Variants in GLT1D1 observed in about 807,000 individuals in gnomAD.
GLT1D1 encodes glycosyltransferase 1 domain-containing protein 1.
GLT1D1 carries 21 observed loss-of-function variants against 28.7 expected under a neutral mutation model. That is an observed-to-expected ratio of 0.73 (90% CI 0.52 to 1.05). The LOEUF (loss-of-function observed/expected upper bound fraction) is 1.05, where lower values mean the gene tolerates loss of function less well. GLT1D1 is among the 50% of genes least tolerant of loss of function. GLT1D1 has a pLI of 0.00. For missense variants in GLT1D1, 343 were observed against 330.6 expected, an observed-to-expected ratio of 1.04 and a Z score of -0.29; for synonymous variants, 147 against 124.8, an observed-to-expected ratio of 1.18 and a Z score of -1.19.
chr12:128,893,456 AT>A (rs528309381), intron 3 of GLT1D1, among the ~76,000 whole-genome samples: 3 of 151,954 alleles, frequency 2.0e-5, no homozygotes, highest in South Asian at 4.2e-4. Flanking sequence ...AAGCCCAAAG[AT>A]TTTTTTTACA....
rs1191965531 is a variant in GLT1D1, at chr12:128,984,726, A to G, written c.*1636A>G. ...AATCTGGAGTAATTAATGCCACCCA[A>G]AGAAAAGGCCCTGCCAGGTCCAATG... On this transcript the variant is annotated 3_prime_UTR_variant, in exon 8 of 8. Transcript: ENST00000281703. 1 of 152,126 alleles carries G rather than the reference A, an allele frequency of 6.6e-6. No individual in the cohort carries two copies. 9.4% of individuals were successfully genotyped at this position (152,126 alleles called of 1,614,324 possible). A position where few individuals can be genotyped will look rare whatever the true frequency, so the allele number is the denominator to read the frequency against.
intron 4 of GLT1D1, among the ~76,000 whole-genome samples, chr12:128,927,796 G>A (rs112312780): frequency 0.27 from 39,950 of 150,652 alleles, 6,764 homozygotes; most frequent in Non-Finnish European, 0.36. Flanking sequence ...GGCAGGAGTC[G>A]GAGACCAGCC....
At chr12:128,949,413 G>T (rs977225640) in intron 6 of GLT1D1, among the ~76,000 whole-genome samples, 1 of 152,150 alleles carries the variant, frequency 6.6e-6, no homozygotes, top group African/African-American at 2.4e-5. Context: ...AGTGGTAAGG[G>T]TGCATTTCAT....
At chr12:128,929,064 T>C in intron 4 of GLT1D1, among the ~76,000 whole-genome samples, 1 of 152,180 alleles carries the variant, frequency 6.6e-6, no homozygotes, top group Non-Finnish European at 1.5e-5. Context: ...GAGGGCAGAT[T>C]TGTGCCCATT....
At chr12:128,902,230 TC>T (rs1249881108) in intron 4 of GLT1D1, among the ~76,000 whole-genome samples, 1 of 150,970 alleles carries the variant, frequency 6.6e-6, no homozygotes, top group Non-Finnish European at 1.5e-5. Context: ...ATGCCTGTAA[TC>T]CCAGCACTTT....
intron 4 of GLT1D1, chr12:128,906,867 A>G: frequency 1.4e-6 from 1 of 702,150 alleles, no homozygotes; most frequent in Non-Finnish European, 2.6e-6. Context: ...TACTTTGTGT[A>G]CATTTACTCA....
At chr12:128,938,987 A>G (rs1378085365) in intron 4 of GLT1D1, among the ~76,000 whole-genome samples, 3 of 152,160 alleles carry the variant, frequency 2.0e-5, no homozygotes, top group East Asian at 1.9e-4. Flanking sequence ...TGGGCTGGAA[A>G]AGGTGAAACA....
At chr12:128,894,110 C>A (rs982978249) in intron 3 of GLT1D1, among the ~76,000 whole-genome samples, 2 of 152,206 alleles carry the variant, frequency 1.3e-5, no homozygotes, top group Non-Finnish European at 2.9e-5. Context: ...GCCAGCAGAA[C>A]AACCCATGCT....
In GLT1D1 at chr12:128,983,537, A is replaced by G. The variant is rs1176483270; in HGVS notation, c.*447A>G. On this transcript the variant is annotated 3_prime_UTR_variant, in exon 8 of 8. Transcript: ENST00000281703. This position sits in a 1 kb window ranked among gnomAD's most constrained non-coding sequence, Gnocchi z 4.7. ...CAAAACAGACGTGTCAGCTGAGCCGAGTCCTCGCAGGATTTTTGTTGTGAT... is the reference window on the plus strand; with the variant it reads ...CAAAACAGACGTGTCAGCTGAGCCGGGTCCTCGCAGGATTTTTGTTGTGAT... 1 of 160,664 alleles carries G rather than the reference A, an allele frequency of 6.2e-6. No individual in the cohort carries two copies. Among genetic ancestry groups the G allele is most frequent in the African/African-American group, 2.4e-5 (1 of 41,742 alleles). 10.0% of individuals were successfully genotyped at this position (160,664 alleles called of 1,614,324 possible).
At chr12:128,883,318 G>T (rs955953971) in intron 2 of GLT1D1, among the ~76,000 whole-genome samples, 1 of 151,486 alleles carries the variant, frequency 6.6e-6, no homozygotes, top group African/African-American at 2.4e-5. Context: ...AGGGCCGGGC[G>T]TAGTGGCTCA....
intron 4 of GLT1D1, among the ~76,000 whole-genome samples, chr12:128,941,042 G>A (rs1374310288): frequency 6.6e-6 from 1 of 152,090 alleles, no homozygotes; most frequent in African/African-American, 2.4e-5. Context: ...TCTGTGATTT[G>A]CCTGCTTTGG....
chr12:128,953,748 T>C (rs1876966116), intron 6 of GLT1D1, among the ~76,000 whole-genome samples: 1 of 151,818 alleles, frequency 6.6e-6, no homozygotes, highest in Non-Finnish European at 1.5e-5. Context: ...AATAGCTTTT[T>C]TTTTTTTTTG....
At chr12:128,872,834 A>C (rs1289861689) in intron 1 of GLT1D1, among the ~76,000 whole-genome samples, 1 of 152,114 alleles carries the variant, frequency 6.6e-6, no homozygotes, top group African/African-American at 2.4e-5. Context: ...ACAATACAAA[A>C]GCTCGTGTGT....
chr12:128,954,893 G>A (rs1450049692), intron 6 of GLT1D1, among the ~76,000 whole-genome samples: 1 of 152,192 alleles, frequency 6.6e-6, no homozygotes, highest in Non-Finnish European at 1.5e-5. Context: ...GGTGAATGTT[G>A]CAGTGAGCTG....
At chr12:128,881,561 A>AATATATATATATATATATATAT (rs1174737837) in intron 2 of GLT1D1, among the ~76,000 whole-genome samples, 7 of 33,714 alleles carry the variant, frequency 2.1e-4, no homozygotes, top group African/African-American at 3.3e-4. Flanking sequence ...AAAAAAAAAA[A>AATATATATATATATATATATAT]ATATATATAT....
At chr12:128,874,041 C>A (rs1288442413) in intron 1 of GLT1D1, among the ~76,000 whole-genome samples, 1 of 81,276 alleles carries the variant, frequency 1.2e-5, no homozygotes, top group African/African-American at 6.0e-5. Context: ...CCCTCCCTCC[C>A]TGCCTCCCTC....
At chr12:128,969,877 G>A (rs921407877) in intron 7 of GLT1D1, among the ~76,000 whole-genome samples, 1 of 152,140 alleles carries the variant, frequency 6.6e-6, no homozygotes, top group Admixed American at 6.5e-5. Context: ...AGCCTGCTGG[G>A]CACCTGCCAG....
At chr12:128,897,020 T>A (rs1226382142) in intron 3 of GLT1D1, among the ~76,000 whole-genome samples, 2 of 152,344 alleles carry the variant, frequency 1.3e-5, no homozygotes, top group East Asian at 3.9e-4. Context: ...TGCATTTTAA[T>A]TCACCAAGTG....
At position 128,853,566 on chromosome 12, in the gene GLT1D1, G is replaced by GGGC. The variant is rs754428709; in HGVS notation, c.-3_-1dup. 1.2e-5 allele frequency: 13 copies of GGGC among 1,092,894 alleles called. No individual in the cohort carries two copies. Among genetic ancestry groups the GGGC allele is most frequent in the East Asian group, 7.5e-5 (1 of 13,420 alleles). The allele number at this position is 1,092,894 out of a possible 1,614,324, so 67.7% of individuals were successfully genotyped here. ...CGGCGGCGGGGCCGGTCGATGGCCC[G>GGGC]GGCGGCGGCGGCGGCATGCGGCTCC... On this transcript the variant is annotated 5_prime_UTR_variant, in exon 1 of 8. Transcript: ENST00000281703.
Sources: gnomAD v4.1 joint callset for allele counts (sites outside exome capture counted in the v4.1 genomes callset) on GRCh38, gnomAD v4.1.1 for gene constraint, Gnocchi (gnomAD v3.1) non-coding constraint, MANE v1.5 for transcripts, NCBI Gene and HGNC (gene_info 2026-07-23, HGNC 2026-07-21) for gene names.